The following NDRG3 variants were observed in gnomAD, a reference collection of about 807,000 sequenced individuals.
NDRG3 encodes protein NDRG3.
In NDRG3, 23 loss-of-function variants were observed where a neutral mutation model predicts 57.2. The ratio of observed to expected loss-of-function variants is 0.40; its 90% CI spans 0.29 to 0.57. The LOEUF is 0.57. NDRG3 is among the 20% of genes least tolerant of loss of function. The pLI, the probability that NDRG3 is intolerant of heterozygous loss-of-function variation, is 0.42. For missense variants in NDRG3, 384 were observed against 457.3 expected, an observed-to-expected ratio of 0.84 and a Z score of 1.46; for synonymous variants, 132 against 162.6, an observed-to-expected ratio of 0.81 and a Z score of 1.43.
chr20:36,665,046 C>T lies in NDRG3; in HGVS notation c.810G>A (p.Val270=), dbSNP rs768889491. ...CTTCACAGCATGAGGACATACTTAC[C>T]ACAGCCTCAACTGCAGGCGAATTGT... ...VGDNSPAVEA[V]VECNSRLNPI... is the part of the protein sequence containing the mutation. The change falls in exon 12 of 16, where the codon GTG becomes GTA. Residue 270 remains valine (V), a splice_region_variant and synonymous_variant. Transcript: ENST00000349004. 6.2e-7 allele frequency: 1 copy of T among 1,614,002 alleles called. No individual in the cohort carries two copies. The highest frequency in any genetic ancestry group is 8.5e-7 in the Non-Finnish European group (1 of 1,179,904).
chr20:36,685,292 T>TTTATTA (rs534950226), intron 5 of NDRG3, among the ~76,000 whole-genome samples: 35 of 150,588 alleles, frequency 2.3e-4, no homozygotes, highest in East Asian at 7.7e-4. Flanking sequence ...TTTTTAAAAT[T>TTTATTA]TTATTATTAT....
chr20:36,672,965 G>A (rs1402312430), intron 8 of NDRG3, among the ~76,000 whole-genome samples: 1 of 152,158 alleles, frequency 6.6e-6, no homozygotes, highest in Admixed American at 6.6e-5. Context: ...CCAGGCTCAA[G>A]CGATTTTCCG....
At chr20:36,654,856 C>A in intron 15 of NDRG3, 1 of 779,696 alleles carries the variant, frequency 1.3e-6, no homozygotes, top group Non-Finnish European at 2.4e-6. Context: ...GCAGGATGGA[C>A]ACAGGAAAAG....
chr20:36,740,543 C>T (rs1985878317), intron 1 of NDRG3, among the ~76,000 whole-genome samples: 1 of 152,176 alleles, frequency 6.6e-6, no homozygotes, highest in South Asian at 2.1e-4. Flanking sequence ...GACAGTTTGC[C>T]ATGTTGGCCA....
At chr20:36,703,378 A>G (rs1395169784) in intron 3 of NDRG3, among the ~76,000 whole-genome samples, 1 of 151,844 alleles carries the variant, frequency 6.6e-6, no homozygotes, top group East Asian at 1.9e-4. Flanking sequence ...TATATACTCA[A>G]CATAGTGAGA....
chr20:36,670,131 A>T lies in NDRG3; in HGVS notation c.588+1210T>A, dbSNP rs1980018973. The stretch of plus-strand genomic sequence containing the variant: ...AAAATCTTGTTTGGGGTGGGGAATT[A>T]TTGAGTGGGAAAGGATAATGAGGAA... On this transcript the variant is annotated intron_variant, in intron 9 of 15. Transcript: ENST00000349004. 2.6e-5 allele frequency among the ~76,000 whole-genome samples: 4 copies of T among 152,152 alleles called. No homozygotes were observed. In the South Asian group the frequency reaches 8.3e-4, roughly 32 times the overall value.
At chr20:36,696,260 C>T (rs775333438) in intron 3 of NDRG3, among the ~76,000 whole-genome samples, 1 of 151,550 alleles carries the variant, frequency 6.6e-6, no homozygotes, top group Non-Finnish European at 1.5e-5. Flanking sequence ...CCACACCTGG[C>T]TAATTTTGTA....
chr20:36,663,562 C>T (rs776338926), intron 12 of NDRG3, among the ~76,000 whole-genome samples: 1 of 152,156 alleles, frequency 6.6e-6, no homozygotes, highest in East Asian at 1.9e-4. Context: ...TTTAACCAAT[C>T]GAATTAACTA....
rs560640731 is a variant in NDRG3, at chr20:36,725,910, C to T, written c.-48-4127G>A. ...GTGCCCTCAAGTCCAAAGTGACTGG[C>T]ATTCACCTAGTGTTCCTTTTTTTTT... On this transcript the variant is annotated intron_variant, in intron 1 of 15. Transcript: ENST00000349004. Among the ~76,000 whole-genome samples the T allele has an allele frequency of 2.7e-5, 4 of 149,402 alleles. No individual in the cohort carries two copies. The South Asian group carries it at 8.4e-4, about 32-fold the overall frequency.
chr20:36,730,244 C>T (rs1985196291), intron 1 of NDRG3, among the ~76,000 whole-genome samples: 1 of 144,048 alleles, frequency 6.9e-6, no homozygotes, highest in Non-Finnish European at 1.5e-5. Flanking sequence ...GAGACTCTGT[C>T]TCCAAAAAAA....
At chr20:36,687,955 AC>A (rs1269569578) in intron 4 of NDRG3, among the ~76,000 whole-genome samples, 2 of 152,248 alleles carry the variant, frequency 1.3e-5, no homozygotes, top group African/African-American at 4.8e-5. Flanking sequence ...TCACAAACAG[AC>A]ACTGATTATA....
chr20:36,712,598 T>A (rs1983990299), intron 2 of NDRG3, among the ~76,000 whole-genome samples: 3 of 91,524 alleles, frequency 3.3e-5, no homozygotes, highest in Non-Finnish European at 4.6e-5. Context: ...TTTTTTTTTT[T>A]TTTTTTTTTT....
chr20:36,725,898 C>T (rs1225107558), intron 1 of NDRG3, among the ~76,000 whole-genome samples: 3 of 150,152 alleles, frequency 2.0e-5, no homozygotes, highest in African/African-American at 7.3e-5. Flanking sequence ...CCCTCAAGTC[C>T]AAAGTGACTG....
At chr20:36,664,407 G>A (rs569551380) in intron 12 of NDRG3, among the ~76,000 whole-genome samples, 2 of 152,264 alleles carry the variant, frequency 1.3e-5, no homozygotes, top group African/African-American at 4.8e-5. Flanking sequence ...GAAGGAGGCA[G>A]AGGTGGCCTT....
At chr20:36,690,787 G>A (rs1473000585) in intron 3 of NDRG3, among the ~76,000 whole-genome samples, 9 of 69,208 alleles carry the variant, frequency 1.3e-4, no homozygotes, top group African/African-American at 2.4e-4. Flanking sequence ...CTCAGGAACC[G>A]AATAGAGCAG....
chr20:36,699,767 A>G (rs1412624111), intron 3 of NDRG3, among the ~76,000 whole-genome samples: 1 of 151,980 alleles, frequency 6.6e-6, no homozygotes, highest in East Asian at 1.9e-4. Context: ...AGGGAAGGTC[A>G]GGAGAAGGAT....
At chr20:36,740,577 C>T (rs1002028716) in intron 1 of NDRG3, among the ~76,000 whole-genome samples, 15 of 152,158 alleles carry the variant, frequency 9.9e-5, no homozygotes, top group Admixed American at 3.9e-4. Flanking sequence ...CTCCTGACCT[C>T]GTGATCCGCC....
At chr20:36,743,566 GC>G (rs1258674997) in intron 1 of NDRG3, among the ~76,000 whole-genome samples, 1 of 149,718 alleles carries the variant, frequency 6.7e-6, no homozygotes, top group Non-Finnish European at 1.5e-5. Context: ...TGTAATCCCA[GC>G]ACTATGGGAG....
At chr20:36,735,003 C>T (rs999428935) in intron 1 of NDRG3, among the ~76,000 whole-genome samples, 3 of 151,912 alleles carry the variant, frequency 2.0e-5, no homozygotes, top group Non-Finnish European at 4.4e-5. Flanking sequence ...GAGGAAATTC[C>T]AGAAAGGGAG....
Sources: gnomAD v4.1 joint callset for allele counts (sites outside exome capture counted in the v4.1 genomes callset) on GRCh38, gnomAD v4.1.1 for gene constraint, MANE v1.5 for transcripts, NCBI Gene and HGNC (gene_info 2026-07-23, HGNC 2026-07-21) for gene names.